Variants in PHLDB3 observed in about 807,000 individuals in gnomAD.
PHLDB3 encodes pleckstrin homology-like domain family B member 3.
A neutral mutation model predicts 85.7 loss-of-function variants in PHLDB3; 86 were observed. That is an observed-to-expected ratio of 1.00 (90% CI 0.84 to 1.20). The LOEUF is 1.20. PHLDB3 is among the 50% of genes most tolerant of loss of function. The pLI, the probability that PHLDB3 is intolerant of heterozygous loss-of-function variation, is 0.00. For missense variants in PHLDB3, 995 were observed against 873.0 expected (o/e 1.14, Z -1.76); for synonymous variants, 376 against 349.8 (o/e 1.07, Z -0.83).
chr19:43,486,707 G>A lies in PHLDB3; in HGVS notation c.1341-11C>T. The A allele has an allele frequency of 6.2e-7, 1 of 1,613,890 alleles. No individual in the cohort carries two copies. Among genetic ancestry groups the A allele is most frequent in the African/African-American group, 1.3e-5 (1 of 75,054 alleles). ...TGGATGGCCCCACAGCTAGGAGGAG[G>A]GAACACAGACGGGGTGGGTTACAGT... On this transcript the variant is annotated splice_polypyrimidine_tract_variant and intron_variant, in intron 11 of 15. Transcript: ENST00000292140.
intron 9 of PHLDB3, among the ~76,000 whole-genome samples, chr19:43,493,211 G>A (rs1202715176): frequency 1.3e-5 from 2 of 151,518 alleles, no homozygotes; most frequent in African/African-American, 4.9e-5. Context: ...CCCAGGAGGC[G>A]GAGGTTGCAG....
chr19:43,502,277 C>T lies in PHLDB3; in HGVS notation c.220G>A (p.Ala74Thr), dbSNP rs1023607250. The T allele has an allele frequency of 2.6e-6, 4 of 1,556,118 alleles. No homozygotes were observed. Among genetic ancestry groups the T allele is most frequent in the Admixed American group, 1.9e-5 (1 of 52,572 alleles). Residue 74 changes from alanine to threonine, a missense_variant, in exon 3 of 16, where the codon GCT (alanine) becomes ACT (threonine). Physicochemically the swap from Ala to Thr is moderately conservative, Grantham distance 58. Transcript: ENST00000292140. The stretch of plus-strand genomic sequence containing the variant: ...GCCGCCATAGCTATCGGAGGCGTAG[C>T]CTCGGGCTGAAGTTGAGGGGGGCGT... ...STESSRDAPE[A>T]TPPIAMAATP...
intron 13 of PHLDB3, among the ~76,000 whole-genome samples, chr19:43,480,066 C>G (rs1334956688): frequency 6.6e-6 from 1 of 150,538 alleles, no homozygotes; most frequent in South Asian, 2.1e-4. Flanking sequence ...CCTAAGAATT[C>G]AAGGGCAGCC....
chr19:43,491,959 GTT>G (rs1351953086), intron 9 of PHLDB3, among the ~76,000 whole-genome samples: 8 of 63,104 alleles, frequency 1.3e-4, no homozygotes, highest in Admixed American at 3.6e-4. Context: ...TTTTTTTTTT[GTT>G]TTTTTTTTTT....
At chr19:43,504,158 T>C in intron 1 of PHLDB3, 26 bp from the exon 2 acceptor site, 3 of 1,531,236 alleles carry the variant, frequency 2.0e-6, no homozygotes, top group Non-Finnish European at 1.8e-6. Flanking sequence ...GACCAGAAGC[T>C]CCGGGGGCGG....
chr19:43,495,870 A>C (rs1368660559), intron 6 of PHLDB3: 2 of 456,692 alleles, frequency 4.4e-6, no homozygotes, highest in Non-Finnish European at 7.7e-6. Flanking sequence ...CAGGCCCCAA[A>C]AGACAGAGAT....
intron 4 of PHLDB3, among the ~76,000 whole-genome samples, chr19:43,498,442 GAAAA>G (rs1971517024): frequency 6.8e-6 from 1 of 147,670 alleles, no homozygotes; most frequent in African/African-American, 2.5e-5. Context: ...GGAAGAGAAA[GAAAA>G]AGAAAGAAAA....
At chr19:43,479,889 G>C (rs1260486336) in intron 13 of PHLDB3, among the ~76,000 whole-genome samples, 1 of 152,056 alleles carries the variant, frequency 6.6e-6, no homozygotes, top group African/African-American at 2.4e-5. Context: ...AGGTCACACA[G>C]AGCTTCTAGG....
chr19:43,494,672 A>C lies in PHLDB3; in HGVS notation c.1149+30T>G, dbSNP rs758438415. 2.3e-5 allele frequency: 35 copies of C among 1,531,442 alleles called. No individual in the cohort carries two copies. The South Asian group carries it at 4.0e-4, about 17-fold the overall frequency. The allele number at this position is 1,531,442 out of a possible 1,614,324, so 94.9% of individuals were successfully genotyped here. A position where few individuals can be genotyped will look rare whatever the true frequency, so the allele number is the denominator to read the frequency against. On this transcript the variant is annotated intron_variant, in intron 9 of 15. Transcript: ENST00000292140. ...CCCTCCTCACTGACCAATAAGATAT[A>C]TGGGGAAACAGAGGCCGTGGGGGAG...
At chr19:43,488,320 A>AG (rs1482546942) in intron 9 of PHLDB3, among the ~76,000 whole-genome samples, 1 of 151,922 alleles carries the variant, frequency 6.6e-6, no homozygotes, top group Non-Finnish European at 1.5e-5. Flanking sequence ...AGCTGGGCAT[A>AG]GTGGCACGTG....
At chr19:43,481,793 CAA>C (rs201871531) in intron 13 of PHLDB3, among the ~76,000 whole-genome samples, 22 of 110,028 alleles carry the variant, frequency 2.0e-4, no homozygotes, top group Admixed American at 2.0e-4. Context: ...GACCATGTCT[CAA>C]AAAAAAAAAA....
intron 9 of PHLDB3, among the ~76,000 whole-genome samples, chr19:43,490,377 A>G (rs1178460885): frequency 6.6e-6 from 1 of 152,058 alleles, no homozygotes; most frequent in Admixed American, 6.6e-5. Flanking sequence ...CTGGGGCAAT[A>G]TAGTGAGACC....
At position 43,504,328 on chromosome 19, in the gene PHLDB3, A is replaced by G. The variant is rs1000729823; in HGVS notation, c.-14-196T>C. On this transcript the variant is annotated intron_variant, in intron 1 of 15. Transcript: ENST00000292140. ...CTTGATGGCTCCAAGGCGACACGCC[A>G]CCGGAGACGGGACCGGAATTTGAGT... The G allele has an allele frequency of 8.3e-6, 5 of 603,248 alleles. No individual in the cohort carries two copies. The African/African-American group carries it at 9.5e-5, about 12-fold the overall frequency. 37.4% of individuals were successfully genotyped at this position (603,248 alleles called of 1,614,324 possible).
At position 43,502,244 on chromosome 19, in the gene PHLDB3, GA is replaced by G; in HGVS notation, c.252del (p.Ala86HisfsTer24). 4 of 1,564,342 alleles carry G rather than the reference GA, an allele frequency of 2.6e-6. No homozygotes were observed. Among genetic ancestry groups the G allele is most frequent in the Non-Finnish European group, 3.5e-6 (4 of 1,156,764 alleles). On this transcript the variant is annotated frameshift_variant, in exon 3 of 16. Coordinates refer to ENST00000292140, the MANE Select transcript of PHLDB3 (RefSeq NM_198850.4). LOFTEE classifies it high-confidence loss of function. ...ATPPIAMAAT[P>X]PASTSSREGV... ...CCTTCCCGCGAAGAGGTGGATGCGG[GA>G]GGTGTGGCCGCCATAGCTATCGGAG... is the stretch of plus-strand genomic sequence containing the variant.
chr19:43,478,965 T>C (rs1406199262), intron 14 of PHLDB3, among the ~76,000 whole-genome samples: 1 of 151,986 alleles, frequency 6.6e-6, no homozygotes, highest in African/African-American at 2.4e-5. Context: ...AAGGAGAGGT[T>C]TGGAATAATT....
chr19:43,504,101 GC>G lies in PHLDB3; in HGVS notation c.17del (p.Ser6ThrfsTer73). The G allele has an allele frequency of 6.2e-7, 1 of 1,603,196 alleles. No homozygotes were observed. Among genetic ancestry groups the G allele is most frequent in the Non-Finnish European group, 8.5e-7 (1 of 1,175,470 alleles). On this transcript the variant is annotated frameshift_variant, in exon 2 of 16. Transcript: ENST00000292140. LOFTEE classifies it high-confidence loss of function. MGTRSSPEEGTPPPLV... is the reference protein window; with the variant it reads MGTRSXPEEGTPPPLV... The stretch of plus-strand genomic sequence containing the variant: ...GCGGCGGCGGGGTCCCCTCCTCGGG[GC>G]TGCTTCGCGTCCCCATGGCCGCTGG...
intron 5 of PHLDB3, among the ~76,000 whole-genome samples, 171 bp downstream of exon 5, chr19:43,497,577 T>C (rs1293661512): frequency 3.9e-5 from 6 of 152,036 alleles, no homozygotes; most frequent in Non-Finnish European, 7.4e-5. Context: ...CTGGGTGTGG[T>C]GGTGCGCACC....
At chr19:43,480,526 G>A (rs1971024390) in intron 13 of PHLDB3, among the ~76,000 whole-genome samples, 1 of 152,076 alleles carries the variant, frequency 6.6e-6, no homozygotes, top group Non-Finnish European at 1.5e-5. Flanking sequence ...CCAGGAGATC[G>A]AAATTGCATT....
chr19:43,492,337 T>C (rs1419058889), intron 9 of PHLDB3, among the ~76,000 whole-genome samples: 3 of 152,110 alleles, frequency 2.0e-5, no homozygotes, highest in Non-Finnish European at 2.9e-5. Flanking sequence ...TCCACCCACC[T>C]CGGCCTCTCA....
Sources: allele counts gnomAD v4.1 joint callset (sites outside exome capture counted in the v4.1 genomes callset), GRCh38; gene constraint gnomAD v4.1.1; transcripts MANE v1.5; gene names NCBI Gene and HGNC (gene_info 2026-07-23, HGNC 2026-07-21).